The following GNAL variants were observed in gnomAD, a reference collection of about 807,000 sequenced individuals.
The protein encoded by GNAL is guanine nucleotide-binding protein G(olf) subunit alpha.
A neutral mutation model predicts 55.1 loss-of-function variants in GNAL; 18 were observed. The ratio of observed to expected loss-of-function variants is 0.33; its 90% CI spans 0.23 to 0.48. The LOEUF is 0.48. GNAL is among the 20% of genes least tolerant of loss of function. GNAL has a pLI of 0.99. For missense variants in GNAL, 412 were observed against 614.1 expected (o/e 0.67, Z 3.48); for synonymous variants, 253 against 237.0 (o/e 1.07, Z -0.62).
At chr18:11,873,398 A>G (rs906420131) in intron 10 of GNAL, among the ~76,000 whole-genome samples, 2 of 152,094 alleles carry the variant, frequency 1.3e-5, no homozygotes, top group Non-Finnish European at 2.9e-5. Context: ...ACAAAATCCT[A>G]CTGCTATCAC....
chr18:11,703,634 C>T (rs1485221145), intron 1 of GNAL, among the ~76,000 whole-genome samples: 1 of 152,174 alleles, frequency 6.6e-6, no homozygotes, highest in Admixed American at 6.5e-5. Context: ...TGTGGTTGAT[C>T]CAGTGGACTT....
intron 1 of GNAL, among the ~76,000 whole-genome samples, chr18:11,722,996 A>G (rs1464702868): frequency 1.6e-5 from 2 of 121,390 alleles, no homozygotes; most frequent in Non-Finnish European, 3.4e-5. Flanking sequence ...GGGCAACAAG[A>G]GCGAAACTTC....
intron 5 of GNAL, among the ~76,000 whole-genome samples, chr18:11,845,789 A>AG (rs2035721369): frequency 7.1e-6 from 1 of 141,794 alleles, no homozygotes; most frequent in African/African-American, 2.5e-5. Context: ...GAGAGAGAGA[A>AG]AGAGAGAGGG....
In GNAL at chr18:11,752,649, C is replaced by T. The variant is rs1034368788; in HGVS notation, c.377-204C>T. 9 of 1,422,390 alleles carry T rather than the reference C, an allele frequency of 6.3e-6. No individual in the cohort carries two copies. In the African/African-American group the frequency reaches 1.2e-4, roughly 19 times the overall value. 88.1% of individuals were successfully genotyped at this position (1,422,390 alleles called of 1,614,324 possible). On this transcript the variant is annotated intron_variant, in intron 1 of 11. Coordinates refer to ENST00000334049, the MANE Select transcript of GNAL (RefSeq NM_182978.4). This position sits in a 1 kb window ranked among gnomAD's most constrained non-coding sequence, Gnocchi z 4.5. Reference sequence around the variant, plus strand: ...ACAGCCAGGAGCGGCGAGCGCCAGGCTGGGCGGGCAGGGCCGGGCGAGGGT... The same window carrying T: ...ACAGCCAGGAGCGGCGAGCGCCAGGTTGGGCGGGCAGGGCCGGGCGAGGGT...
chr18:11,699,556 TG>T (rs1370181589), intron 1 of GNAL, among the ~76,000 whole-genome samples: 1 of 149,358 alleles, frequency 6.7e-6, no homozygotes, highest in African/African-American at 2.5e-5. Context: ...GTTTTTTTTT[TG>T]AGGGGGGGGG....
At chr18:11,733,196 C>A (rs757985737) in intron 1 of GNAL, among the ~76,000 whole-genome samples, 14 of 152,202 alleles carry the variant, frequency 9.2e-5, no homozygotes, top group Non-Finnish European at 1.6e-4. Context: ...CACCAAGCTG[C>A]GCCCGGGCGC....
At chr18:11,797,859 T>C (rs2034431385) in intron 4 of GNAL, among the ~76,000 whole-genome samples, 1 of 152,140 alleles carries the variant, frequency 6.6e-6, no homozygotes, top group Non-Finnish European at 1.5e-5. Context: ...AAAAGATCAC[T>C]ACTAAAAAGT....
intron 1 of GNAL, among the ~76,000 whole-genome samples, chr18:11,749,166 T>C (rs965759008): frequency 6.7e-6 from 1 of 149,332 alleles, no homozygotes; most frequent in Admixed American, 6.7e-5. Context: ...ACCTTCTGAC[T>C]GCCCCACTAG....
intron 10 of GNAL, chr18:11,874,155 T>C (rs946211931): frequency 6.6e-6 from 1 of 152,336 alleles, no homozygotes; most frequent in East Asian, 1.9e-4. Context: ...CCTGGCTTGC[T>C]GCCTCGGTGC....
At position 11,759,105 on chromosome 18, in the gene GNAL, G is replaced by A. The variant is rs9947140; in HGVS notation, c.624+5160G>A. Among the ~76,000 whole-genome samples, 1,155 of 152,088 alleles carry A rather than the reference G, an allele frequency of 7.6e-3. 7 individuals are homozygous for A. The highest frequency in any genetic ancestry group is 0.016 in the South Asian group (76 of 4,818). On this transcript the variant is annotated intron_variant, in intron 4 of 11. Transcript: ENST00000334049. ...GGAGAATAACTTGAACCCAGGAGGC[G>A]GAGGTTGCAGTGAGCCAAGATCGTG...
rs1205344574 is a variant in GNAL, at chr18:11,804,650, T to C, written c.625-20268T>C. Among the ~76,000 whole-genome samples the C allele has an allele frequency of 8.7e-5, 8 of 92,430 alleles. 1 individual carries two copies. Among genetic ancestry groups the C allele is most frequent in the African/African-American group, 4.5e-4 (8 of 17,634 alleles). 60.6% of individuals were successfully genotyped at this position (92,430 alleles called of 152,430 possible). A position where few individuals can be genotyped will look rare whatever the true frequency, so the allele number is the denominator to read the frequency against. On this transcript the variant is annotated intron_variant, in intron 4 of 11. Coordinates refer to ENST00000334049, the MANE Select transcript of GNAL (RefSeq NM_182978.4). ...CGGTTTGGATGGAACACGGAGATAC[T>C]GTGTAGTGGTGAAGTACAGGTGCGG...
intron 4 of GNAL, among the ~76,000 whole-genome samples, chr18:11,776,580 C>G (rs915315015): frequency 2.6e-5 from 4 of 151,878 alleles, no homozygotes; most frequent in Non-Finnish European, 5.9e-5. Context: ...TGCTGGTGCA[C>G]ACCTGGAGTC....
At chr18:11,698,911 A>G (rs1258989419) in intron 1 of GNAL, among the ~76,000 whole-genome samples, 4 of 151,832 alleles carry the variant, frequency 2.6e-5, no homozygotes, top group African/African-American at 4.9e-5. Context: ...TTTAATGGCA[A>G]GCAGGTTTTT....
chr18:11,868,726 G>T lies in GNAL; in HGVS notation c.1031+63G>T, dbSNP rs1449205058. On this transcript the variant is annotated intron_variant, in intron 9 of 11. Transcript: ENST00000334049. The surrounding 1 kb of genome is among the most constrained non-coding windows in gnomAD (Gnocchi z 4.0). The stretch of plus-strand genomic sequence containing the variant: ...GCAAATTTTCTTTTGTTAAAAATAC[G>T]CTCAGGCCAGGCGTTGTGGCTCACA... 2 of 1,433,812 alleles carry T rather than the reference G, an allele frequency of 1.4e-6. No homozygotes were observed. Among genetic ancestry groups the T allele is most frequent in the Non-Finnish European group, 1.9e-6 (2 of 1,038,094 alleles). The allele number at this position is 1,433,812 out of a possible 1,614,324, so 88.8% of individuals were successfully genotyped here. A position where few individuals can be genotyped will look rare whatever the true frequency, so the allele number is the denominator to read the frequency against.
rs71172023 is a variant in GNAL, at chr18:11,830,282, CTTTT to C, written c.722+5285_722+5288del. 1.6e-3 allele frequency among the ~76,000 whole-genome samples: 156 copies of C among 99,218 alleles called. 3 individuals are homozygous for C. The highest frequency in any genetic ancestry group is 7.2e-4 in the Non-Finnish European group (39 of 54,526). The allele number at this position is 99,218 out of a possible 152,430, so 65.1% of individuals were successfully genotyped here. ...GTCACCTTGCTCAACAGAATTGCATCTTTTTTTTTTTTTTTTTTTTTGAGGCGGA... is the reference window on the plus strand; with the variant it reads ...GTCACCTTGCTCAACAGAATTGCATCTTTTTTTTTTTTTTTTTGAGGCGGA... On this transcript the variant is annotated intron_variant, in intron 5 of 11. Coordinates refer to ENST00000334049, the MANE Select transcript of GNAL (RefSeq NM_182978.4).
chr18:11,804,242 G>A (rs1476752956), intron 4 of GNAL, among the ~76,000 whole-genome samples: 162 of 1,568 alleles, frequency 0.1, no homozygotes, highest in South Asian at 0.5. Context: ...GTACAGGTGC[G>A]GTTTGGATGG....
chr18:11,753,064 C>G, intron 2 of GNAL, 139 bp downstream of exon 2: 2 of 578,440 alleles, frequency 3.5e-6, no homozygotes, highest in Non-Finnish European at 6.1e-6. Flanking sequence ...TAGATATTTG[C>G]TGTTGGATTT....
chr18:11,768,587 G>A (rs529236729), intron 4 of GNAL, among the ~76,000 whole-genome samples: 61 of 139,792 alleles, frequency 4.4e-4, no homozygotes, highest in African/African-American at 1.6e-3. Context: ...GGCAACAAGA[G>A]CGAAACTCCA....
In GNAL at chr18:11,881,433, CGAG is replaced by C. The variant is rs2036689176; in HGVS notation, c.*302_*304del. 1 of 283,630 alleles carries C rather than the reference CGAG, an allele frequency of 3.5e-6. No individual in the cohort carries two copies. Among genetic ancestry groups the C allele is most frequent in the Non-Finnish European group, 6.7e-6 (1 of 148,712 alleles). The allele number at this position is 283,630 out of a possible 1,614,324, so 17.6% of individuals were successfully genotyped here. ...ATTCATTCTCCCTTTATTGATTCAT[CGAG>C]GAGAACTTGGTAGATGGGGAGAAAA... On this transcript the variant is annotated 3_prime_UTR_variant, in exon 12 of 12. Coordinates refer to ENST00000334049, the MANE Select transcript of GNAL (RefSeq NM_182978.4). The surrounding 1 kb of genome is among the most constrained non-coding windows in gnomAD (Gnocchi z 4.8).
Sources: gnomAD v4.1 joint callset for allele counts (sites outside exome capture counted in the v4.1 genomes callset) on GRCh38, gnomAD v4.1.1 for gene constraint, Gnocchi (gnomAD v3.1) non-coding constraint, MANE v1.5 for transcripts, NCBI Gene and HGNC (gene_info 2026-07-23, HGNC 2026-07-21) for gene names.